AGBL4: variants seen among roughly 807,000 people sequenced by gnomAD.
The protein encoded by AGBL4 is AGBL carboxypeptidase 4.
In AGBL4, 58 loss-of-function variants were observed where a neutral mutation model predicts 66.4. The ratio of observed to expected loss-of-function variants is 0.87; its 90% CI spans 0.71 to 1.09. The LOEUF is 1.09. Ranked by LOEUF, AGBL4 falls within the 50% of genes least tolerant of loss-of-function variation. The probability of loss-of-function intolerance (pLI) is 0.00; values close to 1 mark genes in which losing one functional copy is unlikely to be tolerated. For synonymous variants in AGBL4, 234 were observed against 222.9 expected (o/e 1.05, Z -0.44); for missense variants, 579 against 631.0 (o/e 0.92, Z 0.88).
intron 3 of AGBL4, among the ~76,000 whole-genome samples, chr1:49,405,961 T>G (rs970254257): frequency 6.6e-6 from 1 of 152,220 alleles, no homozygotes; most frequent in African/African-American, 2.4e-5. Context: ...AAATGCTTAT[T>G]GATATGTTAA....
chr1:49,259,175 G>T (rs1461246924), intron 3 of AGBL4, among the ~76,000 whole-genome samples: 1 of 152,036 alleles, frequency 6.6e-6, no homozygotes, highest in South Asian at 2.1e-4. Context: ...AAGGAAAGGA[G>T]CAACCAGTAC....
In AGBL4 at chr1:49,907,975, T is replaced by C. The variant is rs556351148; in HGVS notation, c.35-56457A>G. Among the ~76,000 whole-genome samples, 7 of 152,186 alleles carry C rather than the reference T, an allele frequency of 4.6e-5. No individual in the cohort carries two copies. In the East Asian group the frequency reaches 1.4e-3, roughly 29 times the overall value. ...AACTGCTCTCAAAAAATAAAGTCTT[T>C]AATTAAAAAAAAAGATTATACTGAG... On this transcript the variant is annotated intron_variant, in intron 1 of 13. Coordinates refer to ENST00000371839, the MANE Select transcript of AGBL4 (RefSeq NM_032785.4).
At position 49,429,875 on chromosome 1, in the gene AGBL4, G is replaced by C. The variant is rs371225413; in HGVS notation, c.283-184011C>G. On this transcript the variant is annotated intron_variant, in intron 3 of 13. Coordinates refer to ENST00000371839, the MANE Select transcript of AGBL4 (RefSeq NM_032785.4). ...ATTTTTTTTTTTTTTTTGAGACAGA[G>C]TCTCTGTCACCCAGGCTGGAATGAA... 6.1e-5 allele frequency among the ~76,000 whole-genome samples: 9 copies of C among 148,206 alleles called. 1 individual carries two copies. The highest frequency in any genetic ancestry group is 2.3e-4 in the African/African-American group (9 of 39,788).
chr1:49,278,263 T>C (rs1644209487), intron 3 of AGBL4, among the ~76,000 whole-genome samples: 1 of 152,164 alleles, frequency 6.6e-6, no homozygotes, highest in Non-Finnish European at 1.5e-5. Flanking sequence ...TCCTCTCCTT[T>C]GGAATCACGT....
At chr1:49,373,057 C>A (rs530185593) in intron 3 of AGBL4, among the ~76,000 whole-genome samples, 4 of 152,256 alleles carry the variant, frequency 2.6e-5, no homozygotes, top group South Asian at 2.1e-4. Flanking sequence ...CTGTGCCCAG[C>A]CCCAGTTCAG....
At chr1:48,971,892 A>C (rs1296195453) in intron 5 of AGBL4, among the ~76,000 whole-genome samples, 1 of 152,150 alleles carries the variant, frequency 6.6e-6, no homozygotes, top group East Asian at 1.9e-4. Flanking sequence ...GCCTCCTTTG[A>C]ATAGGCTGGG....
At chr1:49,897,115 A>G (rs1649301839) in intron 1 of AGBL4, among the ~76,000 whole-genome samples, 1 of 152,104 alleles carries the variant, frequency 6.6e-6, no homozygotes, top group African/African-American at 2.4e-5. Flanking sequence ...AACTAGAGAA[A>G]TCAAATAACA....
intron 1 of AGBL4, among the ~76,000 whole-genome samples, chr1:49,929,290 T>C (rs1653097305): frequency 6.6e-6 from 1 of 151,404 alleles, no homozygotes; most frequent in African/African-American, 2.4e-5. Flanking sequence ...AACCTACACA[T>C]GTACCCCAAG....
At chr1:49,074,608 T>C (rs577809151) in intron 4 of AGBL4, among the ~76,000 whole-genome samples, 18 of 152,278 alleles carry the variant, frequency 1.2e-4, no homozygotes, top group Non-Finnish European at 1.9e-4. Flanking sequence ...TCTTGGGACA[T>C]AATAATTATG....
At chr1:49,447,767 G>C (rs1646191742) in intron 3 of AGBL4, among the ~76,000 whole-genome samples, 1 of 152,186 alleles carries the variant, frequency 6.6e-6, no homozygotes, top group Admixed American at 6.5e-5. Context: ...GTTTCTGGCT[G>C]ATCTTGGATT....
chr1:49,972,683 C>A (rs1164275753), intron 1 of AGBL4, among the ~76,000 whole-genome samples: 1 of 152,112 alleles, frequency 6.6e-6, no homozygotes, highest in African/African-American at 2.4e-5. Context: ...ACTTTTATTA[C>A]AGTTTATTGT....
chr1:49,823,988 A>G (rs1291717293), intron 2 of AGBL4, among the ~76,000 whole-genome samples: 2 of 152,144 alleles, frequency 1.3e-5, no homozygotes, highest in African/African-American at 2.4e-5. Flanking sequence ...AGTTGGGTGG[A>G]TCACCTGAAG....
At chr1:48,771,122 T>G (rs1033870243) in intron 6 of AGBL4, among the ~76,000 whole-genome samples, 1 of 152,214 alleles carries the variant, frequency 6.6e-6, no homozygotes, top group Non-Finnish European at 1.5e-5. Flanking sequence ...TTCCTGCATT[T>G]CCCTGGAGTA....
intron 6 of AGBL4, among the ~76,000 whole-genome samples, chr1:48,780,794 C>A (rs746841235): frequency 2.6e-5 from 4 of 152,202 alleles, no homozygotes; most frequent in Non-Finnish European, 5.9e-5. Flanking sequence ...GGATTGAACA[C>A]TTAAATGTAA....
intron 4 of AGBL4, among the ~76,000 whole-genome samples, chr1:49,105,713 C>T (rs1645280325): frequency 6.6e-6 from 1 of 152,136 alleles, no homozygotes; most frequent in African/African-American, 2.4e-5. Context: ...GTCCCCTTAT[C>T]TGCAAAATGA....
At chr1:48,997,363 G>A (rs1661096062) in intron 5 of AGBL4, among the ~76,000 whole-genome samples, 2 of 152,192 alleles carry the variant, frequency 1.3e-5, no homozygotes, top group African/African-American at 4.8e-5. Flanking sequence ...GGGTGTGTGG[G>A]TAAGCATACA....
chr1:48,549,094 G>A (rs989030390), intron 11 of AGBL4, among the ~76,000 whole-genome samples: 2 of 152,066 alleles, frequency 1.3e-5, no homozygotes, highest in Non-Finnish European at 2.9e-5. Context: ...TTCATTTTCT[G>A]CTCATACTCC....
At chr1:49,958,075 C>T (rs909320487) in intron 1 of AGBL4, among the ~76,000 whole-genome samples, 1 of 152,010 alleles carries the variant, frequency 6.6e-6, no homozygotes, top group Non-Finnish European at 1.5e-5. Flanking sequence ...AATCTCTCAG[C>T]ATTTGCTTGT....
intron 4 of AGBL4, among the ~76,000 whole-genome samples, chr1:49,113,670 A>G (rs1323846076): frequency 6.6e-6 from 1 of 152,230 alleles, no homozygotes; most frequent in Non-Finnish European, 1.5e-5. Context: ...TATAAAATGT[A>G]TTTCTTAAAT....
Sources: gnomAD v4.1 joint callset for allele counts (sites outside exome capture counted in the v4.1 genomes callset) on GRCh38, gnomAD v4.1.1 for gene constraint, MANE v1.5 for transcripts, NCBI Gene and HGNC (gene_info 2026-07-23, HGNC 2026-07-21) for gene names.